CELA1: variants seen among roughly 807,000 people sequenced by gnomAD.
The protein encoded by CELA1 is chymotrypsin-like elastase family member 1.
In CELA1, 28 loss-of-function variants were observed where a neutral mutation model predicts 34.8. The observed-to-expected ratio is 0.80, with a 90% CI of 0.60 to 1.10. CELA1 has a LOEUF of 1.10. Ranked by LOEUF, CELA1 falls within the 50% of genes least tolerant of loss-of-function variation. CELA1 has a pLI of 0.00. For synonymous variants in CELA1, 140 were observed against 129.8 expected (o/e 1.08, Z -0.53); for missense variants, 288 against 327.5 (o/e 0.88, Z 0.93).
chr12:51,335,213 G>A (rs1946493809), intron 6 of CELA1, among the ~76,000 whole-genome samples: 1 of 151,986 alleles, frequency 6.6e-6, no homozygotes, highest in Non-Finnish European at 1.5e-5. Context: ...ACCTCTGTCT[G>A]ACTCTACAGG....
intron 6 of CELA1, among the ~76,000 whole-genome samples, chr12:51,333,907 C>G (rs921342205): frequency 1.3e-5 from 2 of 152,064 alleles, no homozygotes; most frequent in Admixed American, 6.5e-5. Flanking sequence ...GAAAAGAGAC[C>G]AAGCCTCAGG....
In CELA1 at chr12:51,345,878, C is replaced by A; in HGVS notation, c.17-1G>T. 1 of 1,555,122 alleles carries A rather than the reference C, an allele frequency of 6.4e-7. No individual in the cohort carries two copies. Among genetic ancestry groups the A allele is most frequent in the South Asian group, 1.2e-5 (1 of 84,326 alleles). On this transcript the variant is annotated splice_acceptor_variant, in intron 1 of 7. Transcript: ENST00000293636. LOFTEE classifies it high-confidence loss of function. ...TCCGGAAGGTCCTGGGTGCTGTGTC[C>A]TTTGTGGGGCAGAAGAAAAGTGAGT...
chr12:51,335,791 C>T lies in CELA1; in HGVS notation c.609+4069G>A, dbSNP rs372158208. On this transcript the variant is annotated intron_variant, in intron 6 of 7. Transcript: ENST00000293636. ...AGCTGGGGTTACAGGTGCACGCCAC[C>T]ACATCCAGCTAATTTTTAAAATTTT... is the stretch of plus-strand genomic sequence containing the variant. Among the ~76,000 whole-genome samples, 46 of 152,118 alleles carry T rather than the reference C, an allele frequency of 3.0e-4. 1 individual carries two copies. In the East Asian group the frequency reaches 3.3e-3, roughly 11 times the overall value.
chr12:51,344,670 A>G (rs929001566), intron 2 of CELA1, among the ~76,000 whole-genome samples: 5 of 151,972 alleles, frequency 3.3e-5, no homozygotes, highest in Non-Finnish European at 1.5e-5. Flanking sequence ...CAGCCTGGTG[A>G]CAGAGCGAGA....
At chr12:51,329,876 G>A (rs1946459437) in intron 6 of CELA1, 43 bp from the exon 7 acceptor site, 2 of 1,547,954 alleles carry the variant, frequency 1.3e-6, no homozygotes, top group East Asian at 2.3e-5. Flanking sequence ...CAGATCTTCG[G>A]GCTTTTGCTT....
intron 6 of CELA1, among the ~76,000 whole-genome samples, chr12:51,338,249 AAAAC>A (rs1946511775): frequency 9.8e-6 from 1 of 102,042 alleles, no homozygotes; most frequent in Non-Finnish European, 2.0e-5. Context: ...GGAAAAAAAA[AAAAC>A]ATACACACAC....
At chr12:51,344,753 C>T (rs1056076586) in intron 2 of CELA1, among the ~76,000 whole-genome samples, 2 of 152,192 alleles carry the variant, frequency 1.3e-5, no homozygotes, top group African/African-American at 4.8e-5. Flanking sequence ...CTAAGCCCAA[C>T]AGGCTTAGGT....
chr12:51,339,379 T>C (rs2137480492), intron 6 of CELA1, among the ~76,000 whole-genome samples: 1 of 152,262 alleles, frequency 6.6e-6, no homozygotes, highest in East Asian at 1.9e-4. Context: ...GGAGAAACCC[T>C]GTCTCTACTA....
Position 51,329,385 on chromosome 12 carries a change from G to T in CELA1, c.759+299C>A, listed in dbSNP as rs145965063. ...CCTTTCTGAACCTGTTTTTCCCTGGGCTTTGACTTAGGAAGGCACTGATAT... is the reference window on the plus strand; with the variant it reads ...CCTTTCTGAACCTGTTTTTCCCTGGTCTTTGACTTAGGAAGGCACTGATAT... On this transcript the variant is annotated intron_variant, in intron 7 of 7. Transcript: ENST00000293636. Among the ~76,000 whole-genome samples the T allele has an allele frequency of 1.0e-3, 154 of 152,194 alleles. 1 individual carries two copies. The highest frequency in any genetic ancestry group is 3.4e-3 in the Middle Eastern group (1 of 294).
intron 6 of CELA1, among the ~76,000 whole-genome samples, chr12:51,337,919 A>C (rs1371138057): frequency 1.4e-5 from 2 of 144,982 alleles, no homozygotes; most frequent in Admixed American, 1.5e-4. Flanking sequence ...TCAAAAAAAA[A>C]ACAAATATAT....
chr12:51,342,697 C>T lies in CELA1; in HGVS notation c.204G>A (p.Gln68=), dbSNP rs963254668. 3.7e-6 allele frequency: 6 copies of T among 1,614,124 alleles called. No homozygotes were observed. The South Asian group carries it at 5.5e-5, about 15-fold the overall frequency. The change falls in exon 4 of 8, where the codon CAG becomes CAA. Residue 68 remains glutamine, a synonymous_variant. Transcript: ENST00000293636. ...VMTAAHCVDY[Q]KTFRVVAGDH... is the part of the protein sequence containing the mutation. ...CTCCAGCCACCACGCGGAAAGTCTT[C>T]TGGCTGGCGTGAGAGAAGGAATCCC...
intron 6 of CELA1, among the ~76,000 whole-genome samples, chr12:51,332,966 G>A (rs1443803393): frequency 6.6e-6 from 1 of 152,178 alleles, no homozygotes; most frequent in Non-Finnish European, 1.5e-5. Flanking sequence ...GTCTCGCTCT[G>A]TCGTCCAGGC....
At chr12:51,346,466 A>C (rs983971469) in intron 1 of CELA1, among the ~76,000 whole-genome samples, 157 bp downstream of exon 1, 2 of 152,024 alleles carry the variant, frequency 1.3e-5, no homozygotes, top group Admixed American at 1.3e-4. Flanking sequence ...GACGCTCTGC[A>C]GGCAGAGCGT....
chr12:51,340,230 C>T (rs1392298642), intron 5 of CELA1, among the ~76,000 whole-genome samples: 1 of 152,150 alleles, frequency 6.6e-6, no homozygotes, highest in African/African-American at 2.4e-5. Flanking sequence ...AGGCTCCAAG[C>T]CACCAACCCT....
At chr12:51,332,803 G>A (rs1433325770) in intron 6 of CELA1, among the ~76,000 whole-genome samples, 1 of 152,060 alleles carries the variant, frequency 6.6e-6, no homozygotes, top group East Asian at 1.9e-4. Context: ...AGGTTGCAGT[G>A]AGCTGAGATC....
intron 6 of CELA1, among the ~76,000 whole-genome samples, chr12:51,339,142 G>A (rs2137480372): frequency 6.6e-6 from 1 of 152,322 alleles, no homozygotes; most frequent in Non-Finnish European, 1.5e-5. Context: ...AGGGATGGTG[G>A]TAGAGGAACT....
intron 1 of CELA1, among the ~76,000 whole-genome samples, chr12:51,346,317 G>A (rs1282502949): frequency 6.6e-6 from 1 of 152,032 alleles, no homozygotes; most frequent in Non-Finnish European, 1.5e-5. Flanking sequence ...GTCAATGGGG[G>A]TGGTGGGGAA....
chr12:51,342,551 G>A, intron 4 of CELA1, 24 bp downstream of exon 4: 1 of 1,613,884 alleles, frequency 6.2e-7, no homozygotes, highest in East Asian at 2.2e-5. Flanking sequence ...GCCCAGCCCA[G>A]GGCCAGCTTG....
intron 1 of CELA1, 149 bp downstream of exon 1, chr12:51,346,474 C>T (rs767760948): frequency 3.1e-5 from 22 of 712,680 alleles, no homozygotes; most frequent in African/African-American, 1.4e-4. Flanking sequence ...GCAGGCAGAG[C>T]GTCCCACCTG....
Sources: allele counts gnomAD v4.1 joint callset (sites outside exome capture counted in the v4.1 genomes callset), GRCh38; gene constraint gnomAD v4.1.1; transcripts MANE v1.5; gene names NCBI Gene and HGNC (gene_info 2026-07-23, HGNC 2026-07-21).